Variants in SHISAL1 observed in about 807,000 individuals in gnomAD.
SHISAL1 encodes protein shisa-like-1.
In SHISAL1, 9 loss-of-function variants were observed where a neutral mutation model predicts 22.6. That is an observed-to-expected ratio of 0.40 (90% confidence interval 0.24 to 0.70). The LOEUF (loss-of-function observed/expected upper bound fraction) is 0.70. Among genes scored for constraint, SHISAL1 ranks in the 30% least tolerant of loss-of-function variants. The probability of loss-of-function intolerance (pLI) is 0.39; values close to 1 mark genes in which losing one functional copy is unlikely to be tolerated. For missense variants in SHISAL1, 246 were observed against 270.6 expected, an observed-to-expected ratio of 0.91 and a Z score of 0.64; for synonymous variants, 119 against 115.4, an observed-to-expected ratio of 1.03 and a Z score of -0.20.
At chr22:44,283,188 C>T (rs2055288491) in intron 4 of SHISAL1, among the ~76,000 whole-genome samples, 1 of 152,360 alleles carries the variant, frequency 6.6e-6, no homozygotes. Context: ...CCTTATCCTG[C>T]ACCACACCTT....
At position 44,246,796 on chromosome 22, in the gene SHISAL1, G is replaced by A. The variant is rs1293364267; in HGVS notation, c.*2889C>T. On this transcript the variant is annotated 3_prime_UTR_variant, in exon 5 of 5. Transcript: ENST00000381176. ...TTGACAGGTGAGAAGCAGAGGCTCT[G>A]AGAGGTTAAGTGGCTCGTGGGGGTG... 2.6e-5 allele frequency: 4 copies of A among 152,446 alleles called. No homozygotes were observed. Among genetic ancestry groups the A allele is most frequent in the African/African-American group, 9.6e-5 (4 of 41,456 alleles). The allele number at this position is 152,446 out of a possible 1,614,324, so 9.4% of individuals were successfully genotyped here.
In SHISAL1 at chr22:44,310,943, G is replaced by A. The variant is rs952614841; in HGVS notation, c.-33+1808C>T. Among the ~76,000 whole-genome samples, 2 of 151,898 alleles carry A rather than the reference G, an allele frequency of 1.3e-5. No individual in the cohort carries two copies. Among genetic ancestry groups the A allele is most frequent in the Admixed American group, 1.3e-4 (2 of 15,268 alleles). On this transcript the variant is annotated intron_variant, in intron 1 of 4. Transcript: ENST00000381176. The surrounding 1 kb of genome is among the most constrained non-coding windows in gnomAD (Gnocchi z 4.0). ...TAAATGTCTGCCGGCCATAGAGTAGGAACTCCATTAGCACTCGTTGGCCTG... is the reference window on the plus strand; with the variant it reads ...TAAATGTCTGCCGGCCATAGAGTAGAAACTCCATTAGCACTCGTTGGCCTG...
chr22:44,269,385 A>C (rs2743846), intron 4 of SHISAL1, among the ~76,000 whole-genome samples: 94,625 of 147,458 alleles, frequency 0.64, 30,278 homozygotes, highest in African/African-American at 0.66. Flanking sequence ...ACACACCATG[A>C]CACACAGACA....
chr22:44,268,181 T>C (rs773641050), intron 4 of SHISAL1, among the ~76,000 whole-genome samples: 1 of 152,202 alleles, frequency 6.6e-6, no homozygotes, highest in Non-Finnish European at 1.5e-5. Context: ...TTGGTAAATA[T>C]TTGATGCCAC....
chr22:44,266,528 ATG>A (rs11473448), intron 4 of SHISAL1, among the ~76,000 whole-genome samples: 5,195 of 108,232 alleles, frequency 0.048, 327 homozygotes, highest in African/African-American at 0.17. Flanking sequence ...GCTTTGGGGT[ATG>A]TGTGTGTGTG....
chr22:44,287,595 G>A (rs1435485806), intron 3 of SHISAL1, among the ~76,000 whole-genome samples: 2 of 152,096 alleles, frequency 1.3e-5, no homozygotes, highest in African/African-American at 4.8e-5. Flanking sequence ...CAGACTGATG[G>A]GCTCGCTCAT....
chr22:44,269,486 ACACACAC>A (rs374892660), intron 4 of SHISAL1, among the ~76,000 whole-genome samples: 191 of 148,672 alleles, frequency 1.3e-3, no homozygotes, highest in Admixed American at 3.8e-3. Context: ...ACACACACAC[ACACACAC>A]TCCATGCCAC....
upstream of SHISAL1, among the ~76,000 whole-genome samples, chr22:44,317,792 C>A (rs932109915): frequency 6.6e-6 from 1 of 152,246 alleles, no homozygotes; most frequent in African/African-American, 2.4e-5. Context: ...CGTCCTCCCC[C>A]GCAGCATAGC....
At chr22:44,259,546 G>A (rs1273839988) in intron 4 of SHISAL1, among the ~76,000 whole-genome samples, 4 of 151,750 alleles carry the variant, frequency 2.6e-5, no homozygotes, top group Admixed American at 2.6e-4. Context: ...TTCCTGGGTG[G>A]AGCCCTCGGT....
In SHISAL1 at chr22:44,249,042, C is replaced by T. The variant is rs1221220218; in HGVS notation, c.*643G>A. The T allele has an allele frequency of 6.6e-6, 1 of 151,986 alleles. No homozygotes were observed. Among genetic ancestry groups the T allele is most frequent in the Non-Finnish European group, 1.5e-5 (1 of 68,046 alleles). 9.4% of individuals were successfully genotyped at this position (151,986 alleles called of 1,614,324 possible). A position where few individuals can be genotyped will look rare whatever the true frequency, so the allele number is the denominator to read the frequency against. On this transcript the variant is annotated 3_prime_UTR_variant, in exon 5 of 5. Coordinates refer to ENST00000381176, the MANE Select transcript of SHISAL1 (RefSeq NM_001099294.2). ...CAACCCTGACTGGCATTTTCAAATCCCCAGTGCTCCCCGAGACACAGAGGG... is the reference window on the plus strand; with the variant it reads ...CAACCCTGACTGGCATTTTCAAATCTCCAGTGCTCCCCGAGACACAGAGGG...
Position 44,264,826 on chromosome 22 carries a change from G to A in SHISAL1, c.*-15141C>T, listed in dbSNP as rs1236977389. 2.0e-5 allele frequency among the ~76,000 whole-genome samples: 3 copies of A among 151,436 alleles called. 1 individual carries two copies. Among genetic ancestry groups the A allele is most frequent in the East Asian group, 3.9e-4 (2 of 5,116 alleles). On this transcript the variant is annotated intron_variant, in intron 4 of 4. Coordinates refer to ENST00000381176, the MANE Select transcript of SHISAL1 (RefSeq NM_001099294.2). ...CACAAGCCATGTGACCTTGGACGAG[G>A]TCCCCAACACACACACCAGAGGCCC...
rs1370424636 is a variant in SHISAL1, at chr22:44,261,151, T to TA, written c.*-11467_*-11466insT. 1.6e-4 allele frequency among the ~76,000 whole-genome samples: 21 copies of TA among 130,238 alleles called. 1 individual carries two copies. The East Asian group carries it at 1.8e-3, about 11-fold the overall frequency. The allele number at this position is 130,238 out of a possible 152,430, so 85.4% of individuals were successfully genotyped here. ...TGAAATATTTCAAAATCAATGACTT[T>TA]TAAAAAAAAAAAATTCTACTTATAG... On this transcript the variant is annotated intron_variant, in intron 4 of 4. Transcript: ENST00000381176.
chr22:44,319,505 C>G, the SHISAL1 span, among the ~76,000 whole-genome samples: 8 of 152,362 alleles, frequency 5.3e-5, no homozygotes, highest in African/African-American at 1.9e-4. Context: ...CTCCCAGTGA[C>G]AGGTGAAAAA....
At chr22:44,303,716 T>C (rs1569225480) in intron 1 of SHISAL1, among the ~76,000 whole-genome samples, 2 of 152,096 alleles carry the variant, frequency 1.3e-5, no homozygotes, top group Non-Finnish European at 2.9e-5. Flanking sequence ...GCCTGGTCCG[T>C]GGAAGGGCTG....
chr22:44,255,061 T>C (rs1275293455), intron 4 of SHISAL1, among the ~76,000 whole-genome samples: 1 of 152,092 alleles, frequency 6.6e-6, no homozygotes, highest in African/African-American at 2.4e-5. Context: ...CTCCTCCTCC[T>C]CCCACCGCTC....
intron 4 of SHISAL1, among the ~76,000 whole-genome samples, chr22:44,261,274 C>A (rs1485028599): frequency 6.6e-6 from 1 of 151,670 alleles, no homozygotes; most frequent in Admixed American, 6.6e-5. Context: ...CTCCAAAGTA[C>A]TCTCTTTCCA....
At chr22:44,327,263 C>T in the SHISAL1 span, among the ~76,000 whole-genome samples, 1 of 151,898 alleles carries the variant, frequency 6.6e-6, no homozygotes, top group Non-Finnish European at 1.5e-5. Flanking sequence ...CACACACACA[C>T]ACACACACAC....
At chr22:44,316,871 G>A (rs1398257472), upstream of SHISAL1, among the ~76,000 whole-genome samples, 2 of 152,236 alleles carry the variant, frequency 1.3e-5, no homozygotes, top group African/African-American at 4.8e-5. Context: ...GCGGGCAGGA[G>A]GGGGAGCTGG....
intron 1 of SHISAL1, among the ~76,000 whole-genome samples, chr22:44,311,620 T>G (rs761489610): frequency 6.6e-6 from 1 of 152,216 alleles, no homozygotes; most frequent in Non-Finnish European, 1.5e-5. Context: ...GATCCCATTT[T>G]ACAGATGAGG....
Sources: gnomAD v4.1 joint callset for allele counts (sites outside exome capture counted in the v4.1 genomes callset) on GRCh38, gnomAD v4.1.1 for gene constraint, Gnocchi (gnomAD v3.1) non-coding constraint, MANE v1.5 for transcripts, NCBI Gene and HGNC (gene_info 2026-07-23, HGNC 2026-07-21) for gene names.